The following EPB41L3 variants were observed in gnomAD, a reference collection of about 807,000 sequenced individuals.
EPB41L3 encodes erythrocyte membrane protein band 4.1 like 3, also known as band 4.1-like protein 3.
EPB41L3 carries 57 observed loss-of-function variants against 127.1 expected under a neutral mutation model. The observed-to-expected ratio is 0.45, with a 90% CI of 0.36 to 0.56. The LOEUF (loss-of-function observed/expected upper bound fraction) is 0.56. Ranked by LOEUF, EPB41L3 falls within the 20% of genes least tolerant of loss-of-function variation. The pLI, the probability that EPB41L3 is intolerant of heterozygous loss-of-function variation, is 0.00. For missense variants in EPB41L3, 1,273 were observed against 1,372.2 expected (o/e 0.93, Z 1.14); for synonymous variants, 572 against 549.5 (o/e 1.04, Z -0.57).
intron 1 of EPB41L3, among the ~76,000 whole-genome samples, chr18:5,628,337 C>G (rs1599418276): frequency 2.0e-5 from 3 of 152,262 alleles, no homozygotes; most frequent in African/African-American, 7.2e-5. Context: ...GCGGCCCAGT[C>G]TTAATCCATC....
rs147295760 is a variant in EPB41L3, at chr18:5,406,849, A to C, written c.2277T>G (p.Leu759=). Residue 759 remains leucine (L), a synonymous_variant, in exon 16 of 23, where the codon CTT becomes CTG. Coordinates refer to ENST00000341928, the MANE Select transcript of EPB41L3 (RefSeq NM_012307.5). ...TAVTNEWEKR[L]STSPVRLAAR... ...CGGCCAGTCGCACGGGGGAGGTGGA[A>C]AGCCTCTTCTCCCATTCATTCGTTA... 10,915 of 1,614,186 alleles carry C rather than the reference A, an allele frequency of 6.8e-3. 50 individuals carry two copies. Among genetic ancestry groups the C allele is most frequent in the Non-Finnish European group, 7.6e-3 (9,027 of 1,180,012 alleles).
At chr18:5,591,370 C>T (rs759903313) in intron 3 of EPB41L3, among the ~76,000 whole-genome samples, 40 of 152,272 alleles carry the variant, frequency 2.6e-4, no homozygotes, top group Admixed American at 4.6e-4. Flanking sequence ...CTGGTGAGGG[C>T]TCATTTCCTG....
At chr18:5,456,456 GT>G (rs2083082299) in intron 3 of EPB41L3, among the ~76,000 whole-genome samples, 1 of 152,140 alleles carries the variant, frequency 6.6e-6, no homozygotes, top group Admixed American at 6.5e-5. Flanking sequence ...TGTAAGACCT[GT>G]AATGAAATGT....
intron 3 of EPB41L3, among the ~76,000 whole-genome samples, chr18:5,597,135 C>G (rs191607651): frequency 6.6e-6 from 1 of 152,244 alleles, no homozygotes; most frequent in Non-Finnish European, 1.5e-5. Context: ...CTTGCCTCAC[C>G]TCAATCTGGG....
At chr18:5,437,251 C>T (rs948818271) in intron 6 of EPB41L3, among the ~76,000 whole-genome samples, 1 of 152,106 alleles carries the variant, frequency 6.6e-6, no homozygotes, top group African/African-American at 2.4e-5. Flanking sequence ...AGTGCCCTTA[C>T]AAGAAAGGCT....
intron 1 of EPB41L3, among the ~76,000 whole-genome samples, chr18:5,511,391 G>GTTTTTTTT (rs1190047630): frequency 0.014 from 831 of 59,914 alleles, 28 homozygotes; most frequent in African/African-American, 0.017. Flanking sequence ...AGGTATTTTG[G>GTTTTTTTT]TTTTTTTTTT....
intron 3 of EPB41L3, among the ~76,000 whole-genome samples, chr18:5,572,644 G>T (rs1338842589): frequency 1.3e-5 from 2 of 152,146 alleles, no homozygotes; most frequent in Non-Finnish European, 1.5e-5. Context: ...TGTCATCGTG[G>T]CTCACCGCAG....
At chr18:5,502,147 T>C (rs1039576394) in intron 1 of EPB41L3, among the ~76,000 whole-genome samples, 5 of 152,192 alleles carry the variant, frequency 3.3e-5, no homozygotes, top group Admixed American at 2.0e-4. Context: ...GAGTTGAATG[T>C]CCCACACAAT....
At chr18:5,599,328 GA>G (rs889272504) in intron 3 of EPB41L3, among the ~76,000 whole-genome samples, 1 of 152,156 alleles carries the variant, frequency 6.6e-6, no homozygotes, top group Non-Finnish European at 1.5e-5. Context: ...CCAAATATTT[GA>G]GGGGACACAT....
chr18:5,412,001 G>T (rs1300620063), intron 13 of EPB41L3, among the ~76,000 whole-genome samples: 3 of 152,112 alleles, frequency 2.0e-5, no homozygotes, highest in African/African-American at 7.2e-5. Flanking sequence ...TGACCGGCTT[G>T]GTTAACAACT....
rs2094007239 is a variant in EPB41L3, at chr18:5,554,510, CATAGTT to C, written c.-306+57824_-306+57829del. On this transcript the variant is annotated intron_variant, in intron 3 of 21. Transcript: ENST00000545076. Reference sequence around the variant, plus strand: ...TGGTGGATATATGATAAAAATGTGACATAGTTATATGCAACATACACTGGTTCCCTC... The same window carrying C: ...TGGTGGATATATGATAAAAATGTGACATATGCAACATACACTGGTTCCCTC... 1.5e-4 allele frequency among the ~76,000 whole-genome samples: 23 copies of C among 152,236 alleles called. No homozygotes were observed. In the South Asian group the frequency reaches 4.8e-3, roughly 32 times the overall value.
chr18:5,473,644 ATGAG>A (rs2086582168), intron 3 of EPB41L3, among the ~76,000 whole-genome samples: 1 of 152,164 alleles, frequency 6.6e-6, no homozygotes, highest in South Asian at 2.1e-4. Context: ...AATAAATGAG[ATGAG>A]TGAGAGGACT....
chr18:5,444,204 G>A (rs1279501932), intron 4 of EPB41L3, among the ~76,000 whole-genome samples: 1 of 152,204 alleles, frequency 6.6e-6, no homozygotes, highest in East Asian at 1.9e-4. Flanking sequence ...CAAGTTACTA[G>A]GATAAATTAA....
intron 16 of EPB41L3, chr18:5,399,500 T>C (rs1411618643): frequency 7.5e-6 from 3 of 397,492 alleles, no homozygotes; most frequent in Admixed American, 4.4e-5. Flanking sequence ...GATGGGACCA[T>C]ACAGTGCTCA....
intron 16 of EPB41L3, among the ~76,000 whole-genome samples, chr18:5,406,145 G>C (rs1160307035): frequency 6.6e-6 from 1 of 152,102 alleles, no homozygotes. Flanking sequence ...CAGCTACTTG[G>C]GAGGCCAAGG....
intron 13 of EPB41L3, among the ~76,000 whole-genome samples, chr18:5,413,928 A>T (rs2076492163): frequency 6.6e-6 from 1 of 152,254 alleles, no homozygotes; most frequent in African/African-American, 2.4e-5. Flanking sequence ...TGTAATGCAG[A>T]CATGCCCAAG....
At chr18:5,477,353 G>C (rs981597504) in intron 3 of EPB41L3, among the ~76,000 whole-genome samples, 1 of 152,200 alleles carries the variant, frequency 6.6e-6, no homozygotes, top group South Asian at 2.1e-4. Flanking sequence ...GGTGGACTCT[G>C]AAAGCACAGT....
At chr18:5,441,570 A>G (rs966606504) in intron 5 of EPB41L3, among the ~76,000 whole-genome samples, 1 of 148,952 alleles carries the variant, frequency 6.7e-6, no homozygotes, top group Non-Finnish European at 1.5e-5. Context: ...GGTTCACGCC[A>G]TTCTCCTGCC....
chr18:5,456,107 T>C (rs949163568), intron 3 of EPB41L3, among the ~76,000 whole-genome samples: 1 of 152,206 alleles, frequency 6.6e-6, no homozygotes, highest in African/African-American at 2.4e-5. Context: ...AAGAGCTATA[T>C]GCAACTCAAA....
Sources: gnomAD v4.1 joint callset for allele counts (sites outside exome capture counted in the v4.1 genomes callset) on GRCh38, gnomAD v4.1.1 for gene constraint, MANE v1.5 for transcripts, NCBI Gene and HGNC (gene_info 2026-07-23, HGNC 2026-07-21) for gene names.